The following RHOT1 variants were observed in gnomAD, a reference collection of about 807,000 sequenced individuals.
The protein encoded by RHOT1 is mitochondrial Rho GTPase 1.
RHOT1 carries 27 observed loss-of-function variants against 95.3 expected under a neutral mutation model. The ratio of observed to expected loss-of-function variants is 0.28; its 90% CI spans 0.21 to 0.39. RHOT1 has a LOEUF of 0.39. RHOT1 is among the 10% of genes least tolerant of loss of function. The pLI is 1.00. For missense variants in RHOT1, 578 were observed against 786.7 expected (o/e 0.73, Z 3.17); for synonymous variants, 227 against 263.5 (o/e 0.86, Z 1.34).
chr17:32,212,680 T>G (rs770855845), intron 19 of RHOT1, among the ~76,000 whole-genome samples: 7 of 152,190 alleles, frequency 4.6e-5, no homozygotes, highest in Non-Finnish European at 7.3e-5. Context: ...ATTATTTTTT[T>G]TTAACTAAAT....
chr17:32,150,501 A>T, intron 1 of RHOT1: 1 of 1,283,492 alleles, frequency 7.8e-7, no homozygotes, highest in Non-Finnish European at 1.1e-6. Context: ...TGTAGTCTTT[A>T]AAGCCTTGCC....
chr17:32,211,031 C>CTT, intron 18 of RHOT1, 85 bp from the exon 19 acceptor site: 7 of 1,209,052 alleles, frequency 5.8e-6, no homozygotes, highest in East Asian at 2.7e-5. Flanking sequence ...ATGCCTAAGT[C>CTT]TTTTTTTTTT....
intron 11 of RHOT1, among the ~76,000 whole-genome samples, chr17:32,194,974 C>T (rs536957460): frequency 2.0e-5 from 3 of 151,826 alleles, no homozygotes; most frequent in South Asian, 2.1e-4. Flanking sequence ...TACAGGCGCC[C>T]GCCACCATGC....
chr17:32,210,440 C>T (rs2038049383), intron 18 of RHOT1, among the ~76,000 whole-genome samples: 1 of 152,216 alleles, frequency 6.6e-6, no homozygotes, highest in Admixed American at 6.5e-5. Flanking sequence ...GTTGATTTTA[C>T]ATCCTTACCC....
chr17:32,222,757 A>T, intron 19 of RHOT1: 1 of 613,468 alleles, frequency 1.6e-6, no homozygotes, highest in Non-Finnish European at 2.0e-6. Flanking sequence ...TGTGTATAAA[A>T]GGTTAAGAGC....
chr17:32,175,209 A>G, intron 3 of RHOT1, 110 bp from the exon 4 acceptor site: 2 of 911,898 alleles, frequency 2.2e-6, no homozygotes. Context: ...TGTTTGCTAC[A>G]CCATGTCATT....
At chr17:32,192,114 A>G in intron 8 of RHOT1, 87 bp from the exon 9 acceptor site, 2 of 708,226 alleles carry the variant, frequency 2.8e-6, no homozygotes, top group South Asian at 3.9e-5. Flanking sequence ...TGTATTTGAT[A>G]TTATGTAAAA....
chr17:32,142,515 C>A lies in RHOT1; in HGVS notation c.-178C>A. The A allele has an allele frequency of 2.2e-6, 1 of 461,944 alleles. No individual in the cohort carries two copies. The highest frequency in any genetic ancestry group is 3.6e-6 in the Non-Finnish European group (1 of 280,866). The allele number at this position is 461,944 out of a possible 1,614,324, so 28.6% of individuals were successfully genotyped here. Reference sequence around the variant, plus strand: ...GCCGCCGCCGCCACAGCCCGCTGGGCCGGAGGAGGCGGAGCTGGCGCTGTC... The same window carrying A: ...GCCGCCGCCGCCACAGCCCGCTGGGACGGAGGAGGCGGAGCTGGCGCTGTC... On this transcript the variant is annotated 5_prime_UTR_variant, in exon 1 of 20. Coordinates refer to ENST00000545287, the MANE Select transcript of RHOT1 (RefSeq NM_001033566.3).
chr17:32,165,358 A>C (rs1029071332), intron 1 of RHOT1, among the ~76,000 whole-genome samples: 1 of 150,270 alleles, frequency 6.7e-6, no homozygotes, highest in African/African-American at 2.5e-5. Flanking sequence ...AAAAAAAAAA[A>C]AAAACAATAC....
At chr17:32,180,654 GA>G (rs35775998) in intron 6 of RHOT1, among the ~76,000 whole-genome samples, 2,545 of 26,590 alleles carry the variant, frequency 0.096, 72 homozygotes, top group African/African-American at 0.19. Context: ...AAAAGTACAA[GA>G]AAAAAAAAAA....
At chr17:32,169,961 A>G (rs2034440546) in intron 1 of RHOT1, among the ~76,000 whole-genome samples, 1 of 152,106 alleles carries the variant, frequency 6.6e-6, no homozygotes, top group South Asian at 2.1e-4. Context: ...AGTGAGCCAA[A>G]AAAATCACAC....
At chr17:32,199,618 G>T in intron 13 of RHOT1, 68 bp downstream of exon 13, 1 of 1,354,920 alleles carries the variant, frequency 7.4e-7, no homozygotes, top group Non-Finnish European at 9.9e-7. Context: ...TATTACATTT[G>T]TCACTTTGTA....
At chr17:32,222,938 T>A in intron 19 of RHOT1, 2 of 954,244 alleles carry the variant, frequency 2.1e-6, no homozygotes, top group African/African-American at 3.5e-5. Context: ...GTTGGAGTTT[T>A]TCCAGCTTGA....
At chr17:32,220,356 G>A (rs915778628) in intron 19 of RHOT1, among the ~76,000 whole-genome samples, 3 of 152,072 alleles carry the variant, frequency 2.0e-5, no homozygotes, top group African/African-American at 7.2e-5. Context: ...AGAGCAAGAC[G>A]CTGTCTCTGA....
At chr17:32,181,843 C>T (rs2035658411) in intron 6 of RHOT1, among the ~76,000 whole-genome samples, 2 of 152,194 alleles carry the variant, frequency 1.3e-5, no homozygotes, top group Non-Finnish European at 2.9e-5. Context: ...ATGTGTCTGA[C>T]CTTTGATCCT....
chr17:32,166,517 G>A (rs1363023029), intron 1 of RHOT1, among the ~76,000 whole-genome samples: 2 of 152,154 alleles, frequency 1.3e-5, no homozygotes, highest in African/African-American at 4.8e-5. Context: ...CCATTTAATA[G>A]CATTTTACCC....
At chr17:32,213,390 T>C (rs544703055) in intron 19 of RHOT1, among the ~76,000 whole-genome samples, 4 of 152,150 alleles carry the variant, frequency 2.6e-5, no homozygotes, top group African/African-American at 9.6e-5. Context: ...TACCCAGAGG[T>C]TGGAGAGAGA....
chr17:32,211,093 T>A, intron 18 of RHOT1, 23 bp from the exon 19 acceptor site: 2 of 1,588,608 alleles, frequency 1.3e-6, no homozygotes, highest in Non-Finnish European at 1.7e-6. Context: ...ACTCAACTCC[T>A]GTCCTTCTGT....
chr17:32,183,108 TA>T, intron 7 of RHOT1, 62 bp from the exon 8 acceptor site: 4 of 1,344,932 alleles, frequency 3.0e-6, no homozygotes, highest in Non-Finnish European at 4.2e-6. Context: ...CTTATGTTGA[TA>T]ATTTGAAAAT....
Sources: allele counts gnomAD v4.1 joint callset (sites outside exome capture counted in the v4.1 genomes callset), GRCh38; gene constraint gnomAD v4.1.1; transcripts MANE v1.5; gene names NCBI Gene and HGNC (gene_info 2026-07-23, HGNC 2026-07-21).